The following SYTL2 variants were observed in gnomAD, a reference collection of about 807,000 sequenced individuals.
SYTL2 encodes the protein synaptotagmin-like protein 2.
A neutral mutation model predicts 198.7 loss-of-function variants in SYTL2; 165 were observed. That is an observed-to-expected ratio of 0.83 (90% confidence interval 0.73 to 0.94). The LOEUF (loss-of-function observed/expected upper bound fraction) is 0.94. Among genes scored for constraint, SYTL2 ranks in the 40% least tolerant of loss-of-function variants. SYTL2 has a pLI of 0.00. For missense variants in SYTL2, 2,835 were observed against 2,582.8 expected (o/e 1.10, Z -2.12); for synonymous variants, 966 against 917.7 (o/e 1.05, Z -0.95).
the SYTL2 span, among the ~76,000 whole-genome samples, chr11:85,837,137 T>C: frequency 6.6e-6 from 1 of 152,242 alleles, no homozygotes; most frequent in Admixed American, 6.5e-5. Flanking sequence ...TCAGTCATCA[T>C]TATATCCCAC....
At position 85,759,800 on chromosome 11, in the gene SYTL2, T is replaced by G. The variant is rs551952448; in HGVS notation, c.-389-1686A>C. 4.6e-5 allele frequency among the ~76,000 whole-genome samples: 7 copies of G among 152,342 alleles called. No individual in the cohort carries two copies. The South Asian group carries it at 1.4e-3, about 32-fold the overall frequency. On this transcript the variant is annotated intron_variant, in intron 1 of 19. Coordinates refer to ENST00000359152, the MANE Select transcript of SYTL2 (RefSeq NM_206927.4). Reference sequence around the variant, plus strand: ...TCTTTTTAATTTGCATGTGCTTGCATATGCTACTACCTGCTTGTTCATCTT... The same window carrying G: ...TCTTTTTAATTTGCATGTGCTTGCAGATGCTACTACCTGCTTGTTCATCTT...
the SYTL2 span, among the ~76,000 whole-genome samples, chr11:85,834,542 C>T: frequency 2.0e-5 from 3 of 152,060 alleles, no homozygotes; most frequent in African/African-American, 7.2e-5. Flanking sequence ...AATTTTATGA[C>T]TTTATGATGG....
chr11:85,837,596 G>A, the SYTL2 span, among the ~76,000 whole-genome samples: 1 of 152,168 alleles, frequency 6.6e-6, no homozygotes, highest in Admixed American at 6.5e-5. Flanking sequence ...AGGCTGGGAA[G>A]CCATATGATG....
chr11:85,838,238 G>A, the SYTL2 span, among the ~76,000 whole-genome samples: 11 of 152,052 alleles, frequency 7.2e-5, no homozygotes, highest in Non-Finnish European at 1.6e-4. Context: ...ATAAGCATTG[G>A]GACAAGAATT....
rs568794746 is a variant in SYTL2 at position 85,769,388 on chromosome 11, G to C, written c.-389-11274C>G. Among the ~76,000 whole-genome samples the C allele has an allele frequency of 4.6e-5, 7 of 152,318 alleles. No individual in the cohort carries two copies. The South Asian group carries it at 1.5e-3, about 32-fold the overall frequency. On this transcript the variant is annotated intron_variant, in intron 1 of 19. Transcript: ENST00000359152. Reference sequence around the variant, plus strand: ...GTTGGAGTGATGTGTTTTGAAGATGGAGGAAGGGGCCATGAGCCAAGGAAT... The same window carrying C: ...GTTGGAGTGATGTGTTTTGAAGATGCAGGAAGGGGCCATGAGCCAAGGAAT...
rs77861082 is a variant in SYTL2 at position 85,710,177 on chromosome 11, A to G, written c.5746-677T>C. 2.8e-4 allele frequency among the ~76,000 whole-genome samples: 42 copies of G among 152,320 alleles called. No homozygotes were observed. In the East Asian group the frequency reaches 6.6e-3, roughly 24 times the overall value. On this transcript the variant is annotated intron_variant, in intron 13 of 19. Transcript: ENST00000359152. ...GAGAAAACCCAGACACTCTAATCAT[A>G]GTGACACACTGCTGTATCGAATTTC...
chr11:85,737,790 G>T (rs1591823290), intron 4 of SYTL2, 134 bp from the exon 5 acceptor site: 1 of 712,166 alleles, frequency 1.4e-6, no homozygotes, highest in African/African-American at 1.8e-5. Flanking sequence ...ATTCTCTAGA[G>T]AATTATTCCC....
chr11:85,742,287 G>T (rs998325997), intron 4 of SYTL2, among the ~76,000 whole-genome samples: 4 of 152,106 alleles, frequency 2.6e-5, no homozygotes, highest in Admixed American at 6.5e-5. Flanking sequence ...TAATTGCCAG[G>T]GCTTATGGGG....
intron 1 of SYTL2, among the ~76,000 whole-genome samples, chr11:85,801,583 G>T (rs1010641161): frequency 2.0e-5 from 3 of 152,134 alleles, no homozygotes; most frequent in Non-Finnish European, 4.4e-5. Context: ...AAACAAGTAT[G>T]CCAATCAACC....
intron 1 of SYTL2, among the ~76,000 whole-genome samples, chr11:85,782,890 A>T (rs2092583636): frequency 6.6e-6 from 1 of 152,226 alleles, no homozygotes; most frequent in African/African-American, 2.4e-5. Flanking sequence ...TGTCCACATC[A>T]ATATCAGCAT....
At position 85,714,459 on chromosome 11, in the gene SYTL2, T is replaced by G; in HGVS notation, c.5579A>C (p.Lys1860Thr). Residue 1860 changes from lysine to threonine, a missense_variant, in exon 12 of 20, where the codon AAA (lysine) becomes ACA (threonine). Around this residue, in one of 3 missense-constraint regions of SYTL2, gnomAD observed 2,645 missense variants for 2,381.7 expected, o/e 1.11. Transcript: ENST00000359152. ...AACAGACTTGCTCATCCTTTTGAGTTTGTCAGGGTGAGAAAATGGATTATC... is the reference window on the plus strand; with the variant it reads ...AACAGACTTGCTCATCCTTTTGAGTGTGTCAGGGTGAGAAAATGGATTATC... ...QPDNPFSHPD[K>T]LKRMSKSVPA... 1 of 1,613,890 alleles carries G rather than the reference T, an allele frequency of 6.2e-7. No homozygotes were observed. Among genetic ancestry groups the G allele is most frequent in the Non-Finnish European group, 8.5e-7 (1 of 1,179,774 alleles).
the SYTL2 span, among the ~76,000 whole-genome samples, chr11:85,828,224 A>G: frequency 6.6e-6 from 1 of 152,216 alleles, no homozygotes; most frequent in African/African-American, 2.4e-5. Context: ...TGGCAGAAAA[A>G]TGAACTAAAT....
intron 12 of SYTL2, among the ~76,000 whole-genome samples, chr11:85,713,217 A>G (rs2086620593): frequency 6.6e-6 from 1 of 152,222 alleles, no homozygotes; most frequent in Non-Finnish European, 1.5e-5. Flanking sequence ...CAGTGACAGA[A>G]TATAATTTAT....
chr11:85,825,424 T>C, the SYTL2 span, among the ~76,000 whole-genome samples: 2 of 149,350 alleles, frequency 1.3e-5, no homozygotes, highest in African/African-American at 2.5e-5. Context: ...GGTTGAGTTA[T>C]AGAGGGAAGA....
chr11:85,759,171 G>T (rs188609131), intron 1 of SYTL2, among the ~76,000 whole-genome samples: 3 of 151,384 alleles, frequency 2.0e-5, no homozygotes, highest in Admixed American at 2.0e-4. Context: ...TCTTGAACCC[G>T]GGAGGCGGAG....
the SYTL2 span, among the ~76,000 whole-genome samples, chr11:85,844,485 A>G: frequency 3.3e-5 from 5 of 152,222 alleles, no homozygotes; most frequent in Admixed American, 2.6e-4. Context: ...CTCATTCTCC[A>G]GATGTGAGGT....
intron 1 of SYTL2, among the ~76,000 whole-genome samples, chr11:85,763,357 C>A (rs1370543429): frequency 6.6e-6 from 1 of 152,190 alleles, no homozygotes; most frequent in Non-Finnish European, 1.5e-5. Flanking sequence ...CTCTTCTTGT[C>A]AATTGTCCAA....
At chr11:85,801,461 C>T (rs915896144) in intron 1 of SYTL2, among the ~76,000 whole-genome samples, 2 of 152,164 alleles carry the variant, frequency 1.3e-5, no homozygotes, top group East Asian at 3.9e-4. Flanking sequence ...TTTTCCAACA[C>T]ATTATGTACT....
chr11:85,850,357 C>T, the SYTL2 span, among the ~76,000 whole-genome samples: 2,955 of 151,930 alleles, frequency 0.019, 102 homozygotes, highest in African/African-American at 0.067. Context: ...CATCAAAAAG[C>T]GGGCAAAGGA....
Sources: gnomAD v4.1 joint callset for allele counts (sites outside exome capture counted in the v4.1 genomes callset) on GRCh38, gnomAD v4.1.1 for gene constraint, gnomAD v4.1.1 regional missense constraint, MANE v1.5 for transcripts, NCBI Gene and HGNC (gene_info 2026-07-23, HGNC 2026-07-21) for gene names.